Variants in MAP4K3 observed in about 807,000 individuals in gnomAD.
MAP4K3 encodes the protein MAPK/ERK kinase kinase kinase 3.
A neutral mutation model predicts 143.5 loss-of-function variants in MAP4K3; 94 were observed. The observed-to-expected ratio is 0.65, with a 90% confidence interval of 0.55 to 0.78. MAP4K3 has a LOEUF of 0.78. Among genes scored for constraint, MAP4K3 ranks in the 30% least tolerant of loss-of-function variants. The pLI is 0.00. For missense variants in MAP4K3, 1,077 were observed against 1,068.1 expected (o/e 1.01, Z -0.12); for synonymous variants, 416 against 347.2 (o/e 1.20, Z -2.20).
chr2:39,259,795 T>C (rs781271577), intron 29 of MAP4K3, among the ~76,000 whole-genome samples: 3 of 152,196 alleles, frequency 2.0e-5, no homozygotes, highest in South Asian at 4.1e-4. Flanking sequence ...AGTGCCTTAA[T>C]TGGCATTTAA....
At chr2:39,273,234 A>G (rs1381673065) in intron 24 of MAP4K3, among the ~76,000 whole-genome samples, 1 of 152,174 alleles carries the variant, frequency 6.6e-6, no homozygotes, top group African/African-American at 2.4e-5. Context: ...TATGCGTATC[A>G]GTGGTTTTTA....
rs372162735 is a variant in MAP4K3, at chr2:39,397,539, C to T, written c.97-19416G>A. 7.9e-5 allele frequency among the ~76,000 whole-genome samples: 12 copies of T among 152,242 alleles called. No individual in the cohort carries two copies. In the East Asian group the frequency reaches 2.3e-3, roughly 29 times the overall value. On this transcript the variant is annotated intron_variant, in intron 1 of 33. Transcript: ENST00000263881. ...AGGCTAAACATCATAAAGGTATCAA[C>T]TCTTCTTAAGATATTAAAATTCATA...
chr2:39,295,844 G>A (rs952473428), intron 16 of MAP4K3, among the ~76,000 whole-genome samples: 2 of 150,672 alleles, frequency 1.3e-5, no homozygotes, highest in South Asian at 2.1e-4. Context: ...TCAGCCTCCC[G>A]AGTAGCTAGG....
chr2:39,250,391 A>T lies in MAP4K3; in HGVS notation c.*227T>A, dbSNP rs1339246743. The T allele has an allele frequency of 6.7e-6, 3 of 450,340 alleles. No individual in the cohort carries two copies. Among genetic ancestry groups the T allele is most frequent in the Non-Finnish European group, 1.2e-5 (3 of 252,514 alleles). 27.9% of individuals were successfully genotyped at this position (450,340 alleles called of 1,614,324 possible). On this transcript the variant is annotated 3_prime_UTR_variant, in exon 34 of 34. Transcript: ENST00000263881. Reference sequence around the variant, plus strand: ...GTTTCACAGAAAAAATACTGCCTATATGTACAAAGATTACATAACAATGAA... The same window carrying T: ...GTTTCACAGAAAAAATACTGCCTATTTGTACAAAGATTACATAACAATGAA...
chr2:39,329,527 G>T (rs2148519291), intron 8 of MAP4K3, among the ~76,000 whole-genome samples: 2 of 152,276 alleles, frequency 1.3e-5, no homozygotes, highest in South Asian at 4.1e-4. Flanking sequence ...GACAAGCTAG[G>T]TTTAAAAAGT....
At chr2:39,422,789 C>T (rs1000886162) in intron 1 of MAP4K3, among the ~76,000 whole-genome samples, 1 of 152,134 alleles carries the variant, frequency 6.6e-6, no homozygotes, top group African/African-American at 2.4e-5. Context: ...CAAAATGGAT[C>T]ACAGACATAA....
At chr2:39,340,087 T>C (rs920278776) in intron 4 of MAP4K3, among the ~76,000 whole-genome samples, 1 of 152,136 alleles carries the variant, frequency 6.6e-6, no homozygotes, top group Non-Finnish European at 1.5e-5. Flanking sequence ...AAAGTAAAAG[T>C]AAATAAAAGT....
At chr2:39,265,158 C>G (rs772367209) in intron 28 of MAP4K3, 45 bp downstream of exon 28, 1 of 1,248,368 alleles carries the variant, frequency 8.0e-7, no homozygotes, top group South Asian at 1.3e-5. Context: ...GTAAGGTTGA[C>G]AAGCTTTTAT....
chr2:39,356,194 A>G (rs1035354339), intron 3 of MAP4K3, 55 bp downstream of exon 3: 1 of 994,848 alleles, frequency 1.0e-6, no homozygotes, highest in African/African-American at 1.6e-5. Context: ...ATTTTGTTTA[A>G]TGCATTAGGT....
At chr2:39,337,780 T>TTTTTTG (rs1665012984) in intron 4 of MAP4K3, among the ~76,000 whole-genome samples, 199 bp from the exon 5 acceptor site, 1 of 145,706 alleles carries the variant, frequency 6.9e-6, no homozygotes, top group African/African-American at 2.6e-5. Context: ...TTTTTTTTTT[T>TTTTTTG]GAGACAGGGT....
chr2:39,321,948 A>T (rs185586620), intron 12 of MAP4K3, among the ~76,000 whole-genome samples: 2 of 152,330 alleles, frequency 1.3e-5, no homozygotes. Flanking sequence ...ACACCCACAA[A>T]TGATCAATAA....
At chr2:39,407,695 C>A (rs1667133734) in intron 1 of MAP4K3, among the ~76,000 whole-genome samples, 1 of 152,150 alleles carries the variant, frequency 6.6e-6, no homozygotes, top group South Asian at 2.1e-4. Flanking sequence ...TCTCAGCCTC[C>A]TGAGATGGAA....
At chr2:39,268,644 T>TTTTTTA (rs1170387453) in intron 26 of MAP4K3, among the ~76,000 whole-genome samples, 5 of 120,890 alleles carry the variant, frequency 4.1e-5, no homozygotes, top group African/African-American at 1.1e-4. Context: ...ATTTTTTTTT[T>TTTTTTA]TTTTTTTTTT....
intron 2 of MAP4K3, among the ~76,000 whole-genome samples, chr2:39,374,847 C>G (rs1483035932): frequency 6.6e-6 from 1 of 152,002 alleles, no homozygotes; most frequent in East Asian, 1.9e-4. Context: ...AATTGCTTAT[C>G]AGCTGTAAAA....
chr2:39,390,336 A>G (rs140849573), intron 1 of MAP4K3, among the ~76,000 whole-genome samples: 108 of 152,360 alleles, frequency 7.1e-4, no homozygotes, highest in African/African-American at 2.5e-3. Flanking sequence ...AATGAAATTT[A>G]AACAACTCAG....
intron 26 of MAP4K3, among the ~76,000 whole-genome samples, chr2:39,269,162 T>C (rs568741543): frequency 3.3e-5 from 5 of 152,088 alleles, no homozygotes; most frequent in Admixed American, 2.6e-4. Flanking sequence ...GTACAGCACA[T>C]GTGTGATGTT....
intron 1 of MAP4K3, among the ~76,000 whole-genome samples, chr2:39,391,862 A>T (rs1380882328): frequency 6.6e-6 from 1 of 150,932 alleles, no homozygotes; most frequent in East Asian, 1.9e-4. Context: ...CGCTGGTACA[A>T]AAAGTCTCCT....
chr2:39,358,015 G>C (rs1019925345), intron 2 of MAP4K3, among the ~76,000 whole-genome samples: 3 of 152,114 alleles, frequency 2.0e-5, no homozygotes, highest in African/African-American at 7.2e-5. Flanking sequence ...GTCAGCCTTA[G>C]GATAAAGTTA....
At chr2:39,357,005 A>T (rs1426834301) in intron 2 of MAP4K3, among the ~76,000 whole-genome samples, 1 of 152,236 alleles carries the variant, frequency 6.6e-6, no homozygotes, top group Non-Finnish European at 1.5e-5. Flanking sequence ...GATGGCCCAC[A>T]TTCACAGGCT....
Sources: allele counts gnomAD v4.1 joint callset (sites outside exome capture counted in the v4.1 genomes callset), GRCh38; gene constraint gnomAD v4.1.1; transcripts MANE v1.5; gene names NCBI Gene and HGNC (gene_info 2026-07-23, HGNC 2026-07-21).